Variants in DOCK7 observed in about 807,000 individuals in gnomAD.
DOCK7 encodes dedicator of cytokinesis protein 7.
A neutral mutation model predicts 271.0 loss-of-function variants in DOCK7; 138 were observed. The observed-to-expected ratio is 0.51, with a 90% CI of 0.44 to 0.59. DOCK7 has a LOEUF of 0.59. Ranked by LOEUF, DOCK7 falls within the 20% of genes least tolerant of loss-of-function variation. DOCK7 has a pLI of 0.00. For synonymous variants in DOCK7, 823 were observed against 876.1 expected (o/e 0.94, Z 1.07); for missense variants, 2,066 against 2,592.4 (o/e 0.80, Z 4.41).
chr1:62,576,766 C>T (rs1250156523), intron 18 of DOCK7, among the ~76,000 whole-genome samples: 1 of 152,056 alleles, frequency 6.6e-6, no homozygotes, highest in East Asian at 1.9e-4. Flanking sequence ...CTTTCAAATC[C>T]CATATGTAAT....
At position 62,558,990 on chromosome 1, in the gene DOCK7, T is replaced by C; in HGVS notation, c.2430A>G (p.Ile810Met). 4 of 1,605,910 alleles carry C rather than the reference T, an allele frequency of 2.5e-6. No homozygotes were observed. The highest frequency in any genetic ancestry group is 1.3e-5 in the African/African-American group (1 of 74,908). ...CATCCCCAAACAAAAGTAAATTACC[T>C]ATTTGGCCAGCAATGACAGGAGGTC... ...VIRPPVIAGQ[I>M]VNLGQASFEA... Residue 810 changes from isoleucine to methionine, a missense_variant and splice_region_variant, in exon 20 of 50, where the codon ATA becomes ATG. Ile to Met is a conservative substitution (Grantham distance 10). This residue lies in a region of DOCK7 where 1,414 missense variants were observed against 1,670.4 expected (regional missense o/e 0.85). Transcript: ENST00000635253.
In DOCK7 at chr1:62,636,560, A is replaced by G; in HGVS notation, c.862T>C (p.Tyr288His). The change falls in exon 8 of 50, where the codon TAT (tyrosine) becomes CAT (histidine). Residue 288 changes from tyrosine (Y) to histidine (H), a missense_variant. This residue lies in a region of DOCK7 where 1,414 missense variants were observed against 1,670.4 expected (regional missense o/e 0.85). Coordinates refer to ENST00000635253, the MANE Select transcript of DOCK7 (RefSeq NM_001367561.1). ...ACCTTTTTCTTTTCCTTGACATCAT[A>G]TAAAGCCAAACTTGCAAAAATGGGT... is the stretch of plus-strand genomic sequence containing the variant. ...IEPIFASLAL[Y>H]DVKEKKKISE... is the part of the protein sequence containing the mutation. The G allele has an allele frequency of 6.2e-7, 1 of 1,603,436 alleles. No homozygotes were observed. The highest frequency in any genetic ancestry group is 1.3e-5 in the African/African-American group (1 of 74,780).
At chr1:62,584,428 C>T (rs1339630080) in intron 15 of DOCK7, 4 of 993,196 alleles carry the variant, frequency 4.0e-6, no homozygotes, top group African/African-American at 3.5e-5. Context: ...AAGGCAAACA[C>T]AGTATGTCTA....
At position 62,457,612 on chromosome 1, in the gene DOCK7, T is replaced by C; in HGVS notation, c.6306A>G (p.Lys2102=). 1 of 1,614,244 alleles carries C rather than the reference T, an allele frequency of 6.2e-7. No homozygotes were observed. The highest frequency in any genetic ancestry group is 8.5e-7 in the Non-Finnish European group (1 of 1,180,046). ...TGTTGATCAGTGGCTGTAGGGCCTC[T>C]TTAAGGCGATGATAGTTTCTCTCCA... ...RELERNYHRL[K]EALQPLINRK... The change falls in exon 49 of 50, where the codon AAA becomes AAG. Residue 2102 remains lysine, a synonymous_variant. Transcript: ENST00000635253.
intron 21 of DOCK7, among the ~76,000 whole-genome samples, chr1:62,553,868 C>T (rs755758427): frequency 4.0e-5 from 6 of 151,130 alleles, no homozygotes; most frequent in Admixed American, 2.0e-4. Context: ...CACACACACA[C>T]GCACACGCAG....
chr1:62,488,570 G>A (rs915926685), intron 42 of DOCK7: 2 of 185,860 alleles, frequency 1.1e-5, no homozygotes, highest in African/African-American at 4.8e-5. Flanking sequence ...TTAAAAAACT[G>A]AAATATAAAA....
intron 35 of DOCK7, among the ~76,000 whole-genome samples, chr1:62,506,879 G>A (rs1374763684): frequency 3.3e-5 from 5 of 151,158 alleles, no homozygotes; most frequent in South Asian, 2.1e-4. Context: ...CCCGGGAGGC[G>A]GAGGTTGTGG....
Position 62,492,736 on chromosome 1 carries a change from A to G in DOCK7, c.5329T>C (p.Leu1777=). The G allele has an allele frequency of 6.2e-7, 1 of 1,614,124 alleles. No individual in the cohort carries two copies. The highest frequency in any genetic ancestry group is 8.5e-7 in the Non-Finnish European group (1 of 1,179,992). ...AAGGAAGCAGCTGCTTGTTCCAGTA[A>G]TCCCACAAGTCCTGACTCAGTAAAG... ...KYFTESGLVG[L]LEQAAASFSM... is the part of the protein sequence containing the mutation. The change falls in exon 41 of 50, where the codon TTA becomes CTA. Residue 1777 remains leucine, a synonymous_variant. Coordinates refer to ENST00000635253, the MANE Select transcript of DOCK7 (RefSeq NM_001367561.1).
intron 42 of DOCK7, 58 bp downstream of exon 42, chr1:62,488,876 T>C (rs986204141): frequency 6.2e-7 from 1 of 1,606,188 alleles, no homozygotes; most frequent in East Asian, 2.2e-5. Flanking sequence ...CAAAACAACA[T>C]TAATGCTTTC....
chr1:62,574,556 T>C (rs1646884937), intron 18 of DOCK7, among the ~76,000 whole-genome samples: 1 of 152,274 alleles, frequency 6.6e-6, no homozygotes, highest in Non-Finnish European at 1.5e-5. Context: ...TGCCAGACAT[T>C]GAGGCAGCAA....
chr1:62,653,644 C>T, intron 4 of DOCK7, 81 bp downstream of exon 4: 3 of 918,796 alleles, frequency 3.3e-6, no homozygotes, highest in Non-Finnish European at 5.2e-6. Flanking sequence ...TTTCAGGTCT[C>T]ATAAACATTA....
At chr1:62,486,366 C>T (rs954855552) in intron 43 of DOCK7, 1 of 151,858 alleles carries the variant, frequency 6.6e-6, no homozygotes, top group African/African-American at 2.4e-5. Flanking sequence ...AATGCAAACC[C>T]AAAAAGAGAA....
chr1:62,555,081 A>G (rs911854477), intron 21 of DOCK7, among the ~76,000 whole-genome samples: 1 of 152,228 alleles, frequency 6.6e-6, no homozygotes, highest in Non-Finnish European at 1.5e-5. Flanking sequence ...ATCATTAGTT[A>G]GTTAAATGAA....
At chr1:62,622,601 A>G (rs1347333533) in intron 12 of DOCK7, among the ~76,000 whole-genome samples, 1 of 151,984 alleles carries the variant, frequency 6.6e-6, no homozygotes, top group East Asian at 1.9e-4. Context: ...CTACAGGTAT[A>G]CACCAACATG....
intron 48 of DOCK7, 83 bp from the exon 49 acceptor site, chr1:62,457,788 CAT>C (rs1645390584): frequency 7.2e-6 from 9 of 1,246,022 alleles, no homozygotes; most frequent in South Asian, 6.9e-5. Flanking sequence ...AATACATATA[CAT>C]ATATATGTGG....
At chr1:62,668,629 A>G (rs528172836) in intron 1 of DOCK7, among the ~76,000 whole-genome samples, 2 of 152,342 alleles carry the variant, frequency 1.3e-5, no homozygotes, top group African/African-American at 4.8e-5. Flanking sequence ...GCAGTGGCTC[A>G]TGCCTGTAAT....
Position 62,492,827 on chromosome 1 carries a change from T to C in DOCK7, c.5238A>G (p.Leu1746=). 1 of 1,612,954 alleles carries C rather than the reference T, an allele frequency of 6.2e-7. No homozygotes were observed. The highest frequency in any genetic ancestry group is 1.1e-5 in the South Asian group (1 of 90,678). The stretch of plus-strand genomic sequence containing the variant: ...CATCATCTGAGACCGCAGATTCTTC[T>C]AAAACATTAGATGAAATATTCTAGG... ...VTFQNISSNV[L]EESAVSDDVV... Residue 1746 remains leucine, a synonymous_variant, in exon 41 of 50, where the codon TTA becomes TTG. Transcript: ENST00000635253.
intron 30 of DOCK7, 72 bp downstream of exon 30, chr1:62,529,205 C>A: frequency 7.3e-7 from 1 of 1,374,320 alleles, no homozygotes; most frequent in East Asian, 2.4e-5. Flanking sequence ...AGATCTTCAT[C>A]CTTGAGATAT....
At chr1:62,651,730 CT>C (rs1657407826) in intron 4 of DOCK7, among the ~76,000 whole-genome samples, 1 of 152,244 alleles carries the variant, frequency 6.6e-6, no homozygotes, top group East Asian at 1.9e-4. Context: ...TAAGTGTATT[CT>C]TTACACTTAC....
Sources: gnomAD v4.1 joint callset for allele counts (sites outside exome capture counted in the v4.1 genomes callset) on GRCh38, gnomAD v4.1.1 for gene constraint, gnomAD v4.1.1 regional missense constraint, MANE v1.5 for transcripts, NCBI Gene and HGNC (gene_info 2026-07-23, HGNC 2026-07-21) for gene names.